The following TENM3 variants were observed in gnomAD, a reference collection of about 807,000 sequenced individuals.
TENM3 encodes the protein teneurin-3.
TENM3 carries 63 observed loss-of-function variants against 255.1 expected under a neutral mutation model. The observed-to-expected ratio is 0.25, with a 90% CI of 0.20 to 0.30. The LOEUF (loss-of-function observed/expected upper bound fraction) is 0.30, where lower values mean the gene tolerates loss of function less well. Among genes scored for constraint, TENM3 ranks in the 10% least tolerant of loss-of-function variants. The pLI is 1.00. For synonymous variants in TENM3, 1,306 were observed against 1,322.3 expected (o/e 0.99, Z 0.27); for missense variants, 2,929 against 3,461.1 (o/e 0.85, Z 3.86).
In TENM3 at chr4:182,751,992, T is replaced by C. The variant is rs778493801; in HGVS notation, c.3822T>C (p.Asp1274=). Reference sequence around the variant, plus strand: ...CGTTTGACGAGGCGAGATGTGGGGATGGAGGGAAGGCCGTGGAAGCCACAC... The same window carrying C: ...CGTTTGACGAGGCGAGATGTGGGGACGGAGGGAAGGCCGTGGAAGCCACAC... ...CLPFDEARCG[D]GGKAVEATLM... is the part of the protein sequence containing the mutation. Residue 1274 remains aspartate (D), a synonymous_variant, in exon 20 of 28, where the codon GAT becomes GAC. Coordinates refer to ENST00000511685, the MANE Select transcript of TENM3 (RefSeq NM_001080477.4). 4 of 1,611,562 alleles carry C rather than the reference T, an allele frequency of 2.5e-6. No individual in the cohort carries two copies. Among genetic ancestry groups the C allele is most frequent in the Middle Eastern group, 1.7e-4 (1 of 5,974 alleles).
At chr4:182,223,388 CA>C (rs930965408) in intron 1 of TENM3, among the ~76,000 whole-genome samples, 13 of 151,624 alleles carry the variant, frequency 8.6e-5, no homozygotes, top group Admixed American at 2.0e-4. Flanking sequence ...CTTTTAATAA[CA>C]TTTTTTTTTT....
intron 4 of TENM3, 86 bp downstream of exon 4, chr4:182,601,247 T>G: frequency 9.1e-7 from 1 of 1,097,376 alleles, no homozygotes; most frequent in Non-Finnish European, 1.3e-6. Context: ...TGGTGTGGTG[T>G]TTTGGGGTTT....
intron 3 of TENM3, among the ~76,000 whole-genome samples, chr4:182,532,491 T>C (rs1739871261): frequency 6.6e-6 from 1 of 152,210 alleles, no homozygotes; most frequent in Non-Finnish European, 1.5e-5. Flanking sequence ...TTTCACTAAA[T>C]GGCTTTCAGT....
the TENM3 span, among the ~76,000 whole-genome samples, chr4:181,723,427 C>G: frequency 1.3e-5 from 2 of 151,452 alleles, no homozygotes; most frequent in East Asian, 1.9e-4. Flanking sequence ...AGCACATTTC[C>G]CAGTAGCTTA....
chr4:181,900,992 C>G, the TENM3 span, among the ~76,000 whole-genome samples: 1 of 152,178 alleles, frequency 6.6e-6, no homozygotes, highest in South Asian at 2.1e-4. Context: ...GTATTTTTAA[C>G]TTTCTTTCAG....
At chr4:181,465,782 G>T in the TENM3 span, among the ~76,000 whole-genome samples, 1 of 152,120 alleles carries the variant, frequency 6.6e-6, no homozygotes, top group Non-Finnish European at 1.5e-5. Context: ...AGCGCTTACA[G>T]TGAGCACCAG....
At chr4:182,725,639 T>TTC (rs1760105086) in intron 13 of TENM3, among the ~76,000 whole-genome samples, 1 of 148,212 alleles carries the variant, frequency 6.7e-6, no homozygotes, top group Non-Finnish European at 1.5e-5. Flanking sequence ...TTTTTTTCTT[T>TTC]TTTTTTTTTT....
At chr4:182,738,820 T>TAA (rs1268893281) in intron 18 of TENM3, among the ~76,000 whole-genome samples, 1 of 152,230 alleles carries the variant, frequency 6.6e-6, no homozygotes, top group Non-Finnish European at 1.5e-5. Context: ...TTTGGTGTTG[T>TAA]AATGGAAGAT....
chr4:182,539,881 G>A (rs1009267729), intron 3 of TENM3, among the ~76,000 whole-genome samples: 2 of 152,310 alleles, frequency 1.3e-5, no homozygotes, highest in Admixed American at 6.5e-5. Flanking sequence ...AGACACCCAC[G>A]TGGAGATGTC....
chr4:181,634,496 C>G, the TENM3 span, among the ~76,000 whole-genome samples: 1 of 149,890 alleles, frequency 6.7e-6, no homozygotes, highest in Non-Finnish European at 1.5e-5. Context: ...CAAATGCAAA[C>G]CATATGTTAT....
At chr4:182,635,995 T>C (rs1751810745) in intron 5 of TENM3, among the ~76,000 whole-genome samples, 1 of 152,210 alleles carries the variant, frequency 6.6e-6, no homozygotes, top group Non-Finnish European at 1.5e-5. Context: ...TGTTTGACAT[T>C]CTTTTTTCTT....
chr4:182,603,477 G>T (rs1036921522), intron 4 of TENM3, among the ~76,000 whole-genome samples: 2 of 152,014 alleles, frequency 1.3e-5, no homozygotes, highest in Non-Finnish European at 2.9e-5. Flanking sequence ...CAAAAGAAAT[G>T]ATATTTCAAC....
At chr4:182,711,608 T>C in intron 12 of TENM3, 1 of 976,000 alleles carries the variant, frequency 1.0e-6, no homozygotes, top group Non-Finnish European at 1.2e-6. Flanking sequence ...AAAGGTACTG[T>C]ATACTCGCTC....
At chr4:182,120,991 T>C in the TENM3 span, among the ~76,000 whole-genome samples, 212 of 152,272 alleles carry the variant, frequency 1.4e-3, 1 homozygote, top group Non-Finnish European at 2.7e-3. Context: ...ACTTCCATTT[T>C]GTTTTTATTT....
chr4:182,137,907 A>G, the TENM3 span, among the ~76,000 whole-genome samples: 1 of 152,232 alleles, frequency 6.6e-6, no homozygotes, highest in South Asian at 2.1e-4. Context: ...ATTCTGTTGT[A>G]TTCTTAACCT....
chr4:182,174,499 A>C, intron 1 of TENM3, among the ~76,000 whole-genome samples: 1 of 72,244 alleles, frequency 1.4e-5, no homozygotes, highest in Non-Finnish European at 3.1e-5. Flanking sequence ...CTTAGCTACT[A>C]ATTCACACAC....
At chr4:181,627,651 C>A in the TENM3 span, among the ~76,000 whole-genome samples, 1 of 152,186 alleles carries the variant, frequency 6.6e-6, no homozygotes, top group African/African-American at 2.4e-5. Flanking sequence ...CATGTCCCTA[C>A]AAAGGACATG....
chr4:182,680,759 G>A (rs754908857), intron 10 of TENM3, 22 bp downstream of exon 10: 21 of 1,495,284 alleles, frequency 1.4e-5, no homozygotes, highest in Admixed American at 1.0e-4. Context: ...AATATTCACA[G>A]AAGTCTGTTG....
the TENM3 span, among the ~76,000 whole-genome samples, chr4:181,917,960 C>T: frequency 6.6e-6 from 1 of 152,106 alleles, no homozygotes; most frequent in Admixed American, 6.6e-5. Flanking sequence ...CCGTGCCCGG[C>T]CTGTTCCTCA....
Sources: gnomAD v4.1 joint callset for allele counts (sites outside exome capture counted in the v4.1 genomes callset) on GRCh38, gnomAD v4.1.1 for gene constraint, MANE v1.5 for transcripts, NCBI Gene and HGNC (gene_info 2026-07-23, HGNC 2026-07-21) for gene names.